The following STPG2 variants were observed in gnomAD, a reference collection of about 807,000 sequenced individuals.
The protein encoded by STPG2 is sperm-tail PG-rich repeat-containing protein 2.
Under a neutral mutation model 54.2 loss-of-function variants are expected in STPG2, and 56 were observed. The observed-to-expected ratio is 1.03, with a 90% CI of 0.83 to 1.29. The LOEUF (loss-of-function observed/expected upper bound fraction) is 1.29, where lower values mean the gene tolerates loss of function less well. Among genes scored for constraint, STPG2 ranks in the 50% most tolerant of loss-of-function variants. STPG2 has a pLI of 0.00. For missense variants in STPG2, 596 were observed against 544.9 expected (o/e 1.09, Z -0.93); for synonymous variants, 200 against 181.8 (o/e 1.10, Z -0.81).
At chr4:97,448,278 G>T (rs1729277880) in intron 4 of STPG2, among the ~76,000 whole-genome samples, 1 of 152,188 alleles carries the variant, frequency 6.6e-6, no homozygotes, top group South Asian at 2.1e-4. Flanking sequence ...TTGAGCTAAT[G>T]CTGAAGTAAG....
At chr4:97,760,203 G>A (rs905913535) in intron 9 of STPG2, among the ~76,000 whole-genome samples, 1 of 152,140 alleles carries the variant, frequency 6.6e-6, no homozygotes, top group Non-Finnish European at 1.5e-5. Context: ...AATAGCTCCA[G>A]CTGCTGAAGT....
chr4:97,649,712 ACAGAC>A (rs1722011058), intron 10 of STPG2, among the ~76,000 whole-genome samples: 1 of 152,096 alleles, frequency 6.6e-6, no homozygotes. Context: ...AATGGTTGTA[ACAGAC>A]CAGTTCAATT....
chr4:97,567,478 C>A (rs2148880893), intron 10 of STPG2, among the ~76,000 whole-genome samples: 1 of 150,408 alleles, frequency 6.6e-6, no homozygotes, highest in African/African-American at 2.4e-5. Context: ...TCTCCCCTCT[C>A]CCCATAATCT....
chr4:97,450,903 T>C (rs1312865384), intron 4 of STPG2, among the ~76,000 whole-genome samples: 2 of 152,194 alleles, frequency 1.3e-5, no homozygotes, highest in African/African-American at 4.8e-5. Flanking sequence ...AAAATAATTG[T>C]GTACTACTAA....
chr4:97,922,736 G>T (rs1393552881), intron 8 of STPG2, among the ~76,000 whole-genome samples: 1 of 152,174 alleles, frequency 6.6e-6, no homozygotes, highest in East Asian at 1.9e-4. Context: ...AAGGTTAGGG[G>T]AAGAAGGGAT....
At chr4:97,992,653 A>C (rs1735058343) in intron 5 of STPG2, among the ~76,000 whole-genome samples, 1 of 152,074 alleles carries the variant, frequency 6.6e-6, no homozygotes, top group African/African-American at 2.4e-5. Flanking sequence ...TGGTATTTTA[A>C]TGAGAATTGC....
intron 5 of STPG2, among the ~76,000 whole-genome samples, chr4:98,046,433 C>T (rs968912010): frequency 7.2e-5 from 11 of 152,156 alleles, no homozygotes; most frequent in Non-Finnish European, 1.6e-4. Flanking sequence ...TAGACTATAA[C>T]TCTCCCAGTC....
chr4:97,463,518 C>T (rs956260268), intron 4 of STPG2: 8 of 152,114 alleles, frequency 5.3e-5, no homozygotes, highest in African/African-American at 1.4e-4. Context: ...GATGTGATCT[C>T]GACTCACTGT....
At position 97,454,369 on chromosome 4, in the gene STPG2, C is replaced by T. The variant is rs925268112; in HGVS notation, c.462+258330G>A. ...TCTACTAAAAATACAAAAAATTAGC[C>T]GGGCGCGGTGGCGGGCGCCTGTAGT... On this transcript the variant is annotated intron_variant, in intron 4 of 4. Transcript: ENST00000522676. Among the ~76,000 whole-genome samples, 15 of 149,714 alleles carry T rather than the reference C, an allele frequency of 1.0e-4. No individual in the cohort carries two copies. In the East Asian group the frequency reaches 2.8e-3, roughly 27 times the overall value.
chr4:97,829,115 C>A (rs1401459473), intron 9 of STPG2, among the ~76,000 whole-genome samples: 3 of 152,138 alleles, frequency 2.0e-5, no homozygotes, highest in African/African-American at 4.8e-5. Context: ...ACACCTCATA[C>A]AGGAGAGCTG....
At chr4:97,643,278 G>T (rs990172481) in intron 10 of STPG2, among the ~76,000 whole-genome samples, 2 of 151,338 alleles carry the variant, frequency 1.3e-5, no homozygotes, top group African/African-American at 4.8e-5. Flanking sequence ...TTTCTAACAG[G>T]CTATTTAAAT....
At chr4:97,464,120 G>T (rs567919306) in intron 4 of STPG2, among the ~76,000 whole-genome samples, 1 of 152,164 alleles carries the variant, frequency 6.6e-6, no homozygotes, top group East Asian at 1.9e-4. Context: ...AATCAGTTGG[G>T]TAAACACCTA....
intron 4 of STPG2, among the ~76,000 whole-genome samples, chr4:97,552,937 C>T (rs1225392658): frequency 6.6e-6 from 1 of 152,120 alleles, no homozygotes. Context: ...TGTTTTAAAG[C>T]AAATCAAACC....
At chr4:97,527,400 T>G (rs7693578) in intron 4 of STPG2, among the ~76,000 whole-genome samples, 8 of 152,180 alleles carry the variant, frequency 5.3e-5, no homozygotes, top group African/African-American at 1.9e-4. Context: ...CAGTCTATCA[T>G]TGATGGGCAT....
At chr4:97,599,833 A>AAAAAAG (rs542582284) in intron 10 of STPG2, among the ~76,000 whole-genome samples, 5,964 of 147,026 alleles carry the variant, frequency 0.041, 353 homozygotes, top group African/African-American at 0.13. Flanking sequence ...CAAAAAAAAA[A>AAAAAAG]AAAAGAAAAG....
At chr4:98,123,605 A>G (rs566107940) in intron 3 of STPG2, among the ~76,000 whole-genome samples, 1 of 152,260 alleles carries the variant, frequency 6.6e-6, no homozygotes, top group Non-Finnish European at 1.5e-5. Flanking sequence ...TTTTGCTTCC[A>G]ATTATGTGAT....
chr4:97,876,180 T>C (rs887551298), intron 8 of STPG2, among the ~76,000 whole-genome samples: 4 of 151,992 alleles, frequency 2.6e-5, no homozygotes, highest in Non-Finnish European at 5.9e-5. Context: ...ATTAAATCAA[T>C]TGAATATCAG....
chr4:97,441,744 T>A (rs1364252755), intron 4 of STPG2, among the ~76,000 whole-genome samples: 1 of 152,048 alleles, frequency 6.6e-6, no homozygotes, highest in Admixed American at 6.5e-5. Flanking sequence ...CTGGCTTCTG[T>A]ATTTATTGTC....
chr4:98,012,159 T>G (rs1436596712), intron 5 of STPG2, among the ~76,000 whole-genome samples: 1 of 152,172 alleles, frequency 6.6e-6, no homozygotes, highest in South Asian at 2.1e-4. Flanking sequence ...GTTTCAGTTT[T>G]CTGCATATGG....
Sources: gnomAD v4.1 joint callset for allele counts (sites outside exome capture counted in the v4.1 genomes callset) on GRCh38, gnomAD v4.1.1 for gene constraint, MANE v1.5 for transcripts, NCBI Gene and HGNC (gene_info 2026-07-23, HGNC 2026-07-21) for gene names.